Variants in PABIR2 observed in about 807,000 individuals in gnomAD.
PABIR2 encodes the protein family with sequence similarity 122B.
Under a neutral mutation model 22.8 loss-of-function variants are expected in PABIR2, and 7 were observed. The observed-to-expected ratio is 0.31, with a 90% CI of 0.17 to 0.58. The LOEUF (loss-of-function observed/expected upper bound fraction) is 0.58. PABIR2 is among the 20% of genes least tolerant of loss of function. PABIR2 has a pLI of 0.89. For synonymous variants in PABIR2, 67 were observed against 73.8 expected, an observed-to-expected ratio of 0.91 and a Z score of 0.47; for missense variants, 155 against 205.1, an observed-to-expected ratio of 0.76 and a Z score of 1.49.
intron 9 of PABIR2, among the ~76,000 whole-genome samples, chrX:134,780,774 A>T (rs1045213843): frequency 8.9e-6 from 1 of 111,950 alleles, no homozygotes; most frequent in African/African-American, 3.2e-5. Flanking sequence ...CAAGTGCTCA[A>T]CTTCAGGTAT....
At position 134,771,055 on chromosome X, in the gene PABIR2, C is replaced by A; in HGVS notation, c.*1084G>T. 2 of 311,131 alleles carry A rather than the reference C, an allele frequency of 6.4e-6. No homozygotes were observed. Among genetic ancestry groups the A allele is most frequent in the Admixed American group, 5.8e-5 (1 of 17,097 alleles). 25.6% of individuals were successfully genotyped at this position (311,131 alleles called of 1,213,427 possible). On this transcript the variant is annotated 3_prime_UTR_variant, in exon 10 of 10. Coordinates refer to ENST00000343004, the MANE Select transcript of PABIR2 (RefSeq NM_001387468.1). ...AACACAATAACTAAAACACCATTCA[C>A]CACATGACAAAACAAACAAATCCAA...
intron 9 of PABIR2, among the ~76,000 whole-genome samples, chrX:134,778,504 CAA>C (rs750595910): frequency 2.2e-3 from 71 of 32,983 alleles, no homozygotes; most frequent in Middle Eastern, 0.019. Context: ...AACTCCGTCT[CAA>C]AAAAAAAAAA....
chrX:134,796,168 T>A lies in PABIR2; in HGVS notation c.38A>T (p.Asp13Val), dbSNP rs1283540348. The A allele has an allele frequency of 6.6e-6, 8 of 1,207,785 alleles. No individual in the cohort carries two copies. The Admixed American group carries it at 1.8e-4, about 27-fold the overall frequency. The change falls in exon 1 of 10, where the codon GAC becomes GTC. Residue 13 changes from aspartate (D) to valine (V), a missense_variant. Physicochemically the swap from Asp to Val is radical, Grantham distance 152 (BLOSUM62 -3). Transcript: ENST00000343004. ...CCTCAGGGTTCCCCCATAAGATGTG[T>A]CAGGCTCAAGGTCCAGCTCCATTTT... Reference protein sequence around the residue: ...QEKMELDLEPDTSYGGTLRRS... With the variant: ...QEKMELDLEPVTSYGGTLRRS...
rs1246960469 is a variant in PABIR2 at position 134,796,678 on chromosome X, A to C, written c.-473T>G. ...AGGAGGACAGAGGGTAAGGGAAAAG[A>C]AGCGCAGGGGCGGGAAAGAAGGAGG... On this transcript the variant is annotated 5_prime_UTR_variant, in exon 1 of 10. Transcript: ENST00000343004. 1.9e-5 allele frequency: 2 copies of C among 106,631 alleles called. No individual in the cohort carries two copies. Among genetic ancestry groups the C allele is most frequent in the Non-Finnish European group, 3.8e-5 (2 of 52,477 alleles). 8.8% of individuals were successfully genotyped at this position (106,631 alleles called of 1,213,427 possible). A position where few individuals can be genotyped will look rare whatever the true frequency, so the allele number is the denominator to read the frequency against.
intron 9 of PABIR2, among the ~76,000 whole-genome samples, chrX:134,776,365 C>T (rs1352776990): frequency 1.8e-5 from 2 of 111,052 alleles, no homozygotes; most frequent in Non-Finnish European, 3.8e-5. Context: ...TAATCATCAC[C>T]GTATGGCCAG....
intron 9 of PABIR2, among the ~76,000 whole-genome samples, chrX:134,776,615 TAAAAGAAAAG>T (rs766488780): frequency 3.5e-4 from 38 of 109,889 alleles, no homozygotes; most frequent in African/African-American, 8.3e-4. Flanking sequence ...TTTCGTTTAG[TAAAAGAAAAG>T]AAAAGAAAAG....
Position 134,771,772 on chromosome X carries a change from C to G in PABIR2, c.*367G>C, listed in dbSNP as rs939245407. 5 of 811,600 alleles carry G rather than the reference C, an allele frequency of 6.2e-6. No individual in the cohort carries two copies. The highest frequency in any genetic ancestry group is 7.4e-6 in the Non-Finnish European group (5 of 677,642). The allele number at this position is 811,600 out of a possible 1,213,427, so 66.9% of individuals were successfully genotyped here. A position where few individuals can be genotyped will look rare whatever the true frequency, so the allele number is the denominator to read the frequency against. On this transcript the variant is annotated 3_prime_UTR_variant, in exon 10 of 10. Coordinates refer to ENST00000343004, the MANE Select transcript of PABIR2 (RefSeq NM_001387468.1). ...CAAGAGAATTTCTGATCAAATCTGTCATATCACTGCTGCGGAAAAGGACCA... is the reference window on the plus strand; with the variant it reads ...CAAGAGAATTTCTGATCAAATCTGTGATATCACTGCTGCGGAAAAGGACCA...
rs756437393 is a variant in PABIR2, at chrX:134,781,823, T to C, written c.657A>G (p.Ser219=). The change falls in exon 9 of 10, where the codon TCA becomes TCG. Residue 219 remains serine, a splice_region_variant and synonymous_variant. Transcript: ENST00000343004. ...TTCATTTTATTTCATTTTTTTACCA[T>C]GAACTGAGATCAGACAGTTGCGCGG... ...PDAAQLSDLS[S]CSDILDGSSS... The C allele has an allele frequency of 4.2e-6, 5 of 1,180,566 alleles. No individual in the cohort carries two copies. Among genetic ancestry groups the C allele is most frequent in the Middle Eastern group, 2.4e-4 (1 of 4,236 alleles).
At chrX:134,775,634 C>T (rs1484902900) in intron 9 of PABIR2, among the ~76,000 whole-genome samples, 3 of 106,920 alleles carry the variant, frequency 2.8e-5, no homozygotes, top group African/African-American at 1.0e-4. Context: ...AAAGTAATAA[C>T]AAAGGTAGGA....
In PABIR2 at chrX:134,770,298, G is replaced by A. The variant is rs746781714; in HGVS notation, c.*1841C>T. ...TTTTTCTTTATAATGGCATACTAGG[G>A]GACAAGCTTCATAATAGATTTATGT... is the stretch of plus-strand genomic sequence containing the variant. On this transcript the variant is annotated 3_prime_UTR_variant, in exon 10 of 10. Coordinates refer to ENST00000343004, the MANE Select transcript of PABIR2 (RefSeq NM_001387468.1). The A allele has an allele frequency of 1.8e-4, 20 of 112,078 alleles. No homozygotes were observed. The highest frequency in any genetic ancestry group is 4.7e-4 in the Admixed American group (5 of 10,534). The allele number at this position is 112,078 out of a possible 1,213,427, so 9.2% of individuals were successfully genotyped here.
At chrX:134,785,446 A>G (rs139733226) in intron 8 of PABIR2, among the ~76,000 whole-genome samples, 5,525 of 104,286 alleles carry the variant, frequency 0.053, 155 homozygotes, top group Admixed American at 0.079. Context: ...ATCACAGTCA[A>G]TTTTTTTTTT....
At chrX:134,788,931 G>C (rs1420468584) in intron 5 of PABIR2, 100 bp from the exon 6 acceptor site, 3 of 1,002,639 alleles carry the variant, frequency 3.0e-6, no homozygotes, top group Admixed American at 2.7e-5. Context: ...GAAAGGTATA[G>C]ACTCTAATAT....
At chrX:134,778,605 T>C (rs1259315924) in intron 9 of PABIR2, among the ~76,000 whole-genome samples, 1 of 110,917 alleles carries the variant, frequency 9.0e-6, no homozygotes, top group Admixed American at 9.6e-5. Context: ...CTTAGCACAA[T>C]TGTAAGCTTT....
chrX:134,778,264 A>G (rs1338231705), intron 9 of PABIR2, among the ~76,000 whole-genome samples: 1 of 102,398 alleles, frequency 9.8e-6, no homozygotes, highest in East Asian at 3.4e-4. Context: ...CAGCACTTTG[A>G]GAGGCCGAGG....
At chrX:134,791,595 G>A (rs1256954935) in intron 2 of PABIR2, 1 of 327,203 alleles carries the variant, frequency 3.1e-6, no homozygotes, top group East Asian at 9.8e-5. Context: ...GGAGATGATA[G>A]ACCGAGCAAA....
rs950309350 is a variant in PABIR2 at position 134,797,162 on chromosome X, T to G, written c.-957A>C. The G allele has an allele frequency of 1.8e-5, 2 of 113,816 alleles. No homozygotes were observed. Among genetic ancestry groups the G allele is most frequent in the Non-Finnish European group, 3.7e-5 (2 of 53,419 alleles). 9.4% of individuals were successfully genotyped at this position (113,816 alleles called of 1,213,427 possible). A position where few individuals can be genotyped will look rare whatever the true frequency, so the allele number is the denominator to read the frequency against. On this transcript the variant is annotated 5_prime_UTR_variant, in exon 1 of 10. Coordinates refer to ENST00000343004, the MANE Select transcript of PABIR2 (RefSeq NM_001387468.1). Reference sequence around the variant, plus strand: ...CTCCCACGCTTCAGAAGCGGGAACCTCCGCTGGGCCAGTTCTTCCGCGTCC... The same window carrying G: ...CTCCCACGCTTCAGAAGCGGGAACCGCCGCTGGGCCAGTTCTTCCGCGTCC...
intron 9 of PABIR2, among the ~76,000 whole-genome samples, chrX:134,779,274 C>T (rs1186047584): frequency 1.8e-5 from 2 of 111,095 alleles, no homozygotes; most frequent in African/African-American, 3.3e-5. Context: ...ACTAAAAATA[C>T]AAAAATTAGC....
In PABIR2 at chrX:134,796,537, G is replaced by A. The variant is rs1415413031; in HGVS notation, c.-332C>T. The A allele has an allele frequency of 4.8e-5, 8 of 167,895 alleles. No homozygotes were observed. The highest frequency in any genetic ancestry group is 8.8e-5 in the Non-Finnish European group (8 of 90,645). The allele number at this position is 167,895 out of a possible 1,213,427, so 13.8% of individuals were successfully genotyped here. A position where few individuals can be genotyped will look rare whatever the true frequency, so the allele number is the denominator to read the frequency against. On this transcript the variant is annotated 5_prime_UTR_variant, in exon 1 of 10. Coordinates refer to ENST00000343004, the MANE Select transcript of PABIR2 (RefSeq NM_001387468.1). ...GGATGGAGGGAGGAGGGAAGAGGGA[G>A]GGAAAAGGATAGGTGGAAAAGCAGG... is the stretch of plus-strand genomic sequence containing the variant.
intron 9 of PABIR2, among the ~76,000 whole-genome samples, chrX:134,777,153 C>T (rs1455476719): frequency 8.9e-6 from 1 of 112,081 alleles, no homozygotes; most frequent in South Asian, 3.7e-4. Flanking sequence ...GTAGCAGAAA[C>T]CAGAACACAG....
Sources: allele counts gnomAD v4.1 joint callset (sites outside exome capture counted in the v4.1 genomes callset), GRCh38; gene constraint gnomAD v4.1.1; transcripts MANE v1.5; gene names NCBI Gene and HGNC (gene_info 2026-07-23, HGNC 2026-07-21).